The following ANO2 variants were observed in gnomAD, a reference collection of about 807,000 sequenced individuals.
ANO2 encodes the protein anoctamin 2.
A neutral mutation model predicts 124.2 loss-of-function variants in ANO2; 101 were observed. The ratio of observed to expected loss-of-function variants is 0.81; its 90% CI spans 0.69 to 0.96. The LOEUF is 0.96. Ranked by LOEUF, ANO2 falls within the 40% of genes least tolerant of loss-of-function variation. The pLI is 0.00. For missense variants in ANO2, 1,293 were observed against 1,274.5 expected, an observed-to-expected ratio of 1.01 and a Z score of -0.22; for synonymous variants, 486 against 482.5, an observed-to-expected ratio of 1.01 and a Z score of -0.09.
intron 4 of ANO2, among the ~76,000 whole-genome samples, chr12:5,845,885 A>C (rs1052715483): frequency 3.9e-5 from 6 of 152,252 alleles, no homozygotes; most frequent in Non-Finnish European, 7.3e-5. Flanking sequence ...AATCACGTAC[A>C]TAAGGCTCTT....
At chr12:5,832,361 T>A (rs1954178602) in intron 5 of ANO2, 91 bp downstream of exon 5, 2 of 1,472,596 alleles carry the variant, frequency 1.4e-6, no homozygotes, top group Non-Finnish European at 1.8e-6. Context: ...GGGCACCCAC[T>A]TTGGGAGCCC....
In ANO2 at chr12:5,945,185, G is replaced by C. The variant is rs544222548; in HGVS notation, c.22+11C>G. Reference sequence around the variant, plus strand: ...TAGGAGACCAGGACCAGGTCCAGCCGGAAAACTCACCGCGCGGCCCGGGAG... The same window carrying C: ...TAGGAGACCAGGACCAGGTCCAGCCCGAAAACTCACCGCGCGGCCCGGGAG... On this transcript the variant is annotated intron_variant, in intron 1 of 24. Coordinates refer to ENST00000682330, the MANE Select transcript of ANO2 (RefSeq NM_001364791.2). The C allele has an allele frequency of 3.1e-6, 4 of 1,288,616 alleles. No homozygotes were observed. In the African/African-American group the frequency reaches 4.5e-5, roughly 15 times the overall value. The allele number at this position is 1,288,616 out of a possible 1,614,324, so 79.8% of individuals were successfully genotyped here.
At chr12:5,677,603 G>T (rs1565556205) in intron 14 of ANO2, among the ~76,000 whole-genome samples, 1 of 152,098 alleles carries the variant, frequency 6.6e-6, no homozygotes, top group South Asian at 2.1e-4. Flanking sequence ...GAGTGGAGAG[G>T]AGCATGAGAA....
chr12:5,646,610 G>A lies in ANO2; in HGVS notation c.1620+1117C>T, dbSNP rs749052318. Among the ~76,000 whole-genome samples the A allele has an allele frequency of 1.9e-4, 29 of 152,140 alleles. 1 individual carries two copies. The highest frequency in any genetic ancestry group is 8.3e-4 in the South Asian group (4 of 4,814). ...TCTTTAACAATAATATGCATATTGC[G>A]GGGGGCTTTGAAGTGCTAAATTAAA... On this transcript the variant is annotated intron_variant, in intron 15 of 24. Transcript: ENST00000682330.
At chr12:5,565,972 G>A (rs889452609) in intron 23 of ANO2, among the ~76,000 whole-genome samples, 24 of 152,212 alleles carry the variant, frequency 1.6e-4, no homozygotes, top group Non-Finnish European at 3.2e-4. Context: ...GGGCATCTGA[G>A]GGTAGTCCAG....
intron 16 of ANO2, among the ~76,000 whole-genome samples, chr12:5,624,411 C>A (rs1183203179): frequency 6.6e-6 from 1 of 152,112 alleles, no homozygotes; most frequent in Non-Finnish European, 1.5e-5. Context: ...CTCCCTGTGA[C>A]AAGGACAGGA....
chr12:5,656,105 A>C (rs1860954), intron 14 of ANO2, among the ~76,000 whole-genome samples: 93,276 of 151,970 alleles, frequency 0.61, 29,683 homozygotes, highest in East Asian at 0.96. Context: ...GTGAGGGGAG[A>C]GCAGCTATAG....
rs764788737 is a variant in ANO2 at position 5,577,941 on chromosome 12, A to G, written c.2439+14T>C. ...TTCCCACAGAGCGAGTGTGTCATGAATGCAAGTACTTACGTTGCTGATAAC... is the reference window on the plus strand; with the variant it reads ...TTCCCACAGAGCGAGTGTGTCATGAGTGCAAGTACTTACGTTGCTGATAAC... On this transcript the variant is annotated intron_variant, in intron 22 of 24. Coordinates refer to ENST00000682330, the MANE Select transcript of ANO2 (RefSeq NM_001364791.2). 8.1e-6 allele frequency: 13 copies of G among 1,612,384 alleles called. No individual in the cohort carries two copies. The South Asian group carries it at 8.8e-5, about 11-fold the overall frequency.
At chr12:5,618,100 G>A (rs1218441878) in intron 16 of ANO2, among the ~76,000 whole-genome samples, 1 of 152,202 alleles carries the variant, frequency 6.6e-6, no homozygotes, top group South Asian at 2.1e-4. Context: ...AGTCCCACTG[G>A]AGACCTCCTA....
intron 14 of ANO2, among the ~76,000 whole-genome samples, chr12:5,729,967 A>G (rs1226291338): frequency 2.6e-5 from 4 of 152,248 alleles, no homozygotes; most frequent in African/African-American, 9.6e-5. Flanking sequence ...ATAGAGACAG[A>G]AAGTAGATTA....
At chr12:5,749,691 A>AT (rs1463445532) in intron 11 of ANO2, among the ~76,000 whole-genome samples, 5 of 152,230 alleles carry the variant, frequency 3.3e-5, no homozygotes, top group African/African-American at 1.2e-4. Context: ...TAAATTCTAA[A>AT]TATTAGCTAA....
intron 16 of ANO2, among the ~76,000 whole-genome samples, chr12:5,620,611 G>C (rs773865465): frequency 6.6e-6 from 1 of 152,102 alleles, no homozygotes; most frequent in Admixed American, 6.5e-5. Flanking sequence ...AGTTGAATTG[G>C]AATTCTATAG....
chr12:5,705,911 C>T (rs143145698), intron 14 of ANO2, among the ~76,000 whole-genome samples: 147 of 152,284 alleles, frequency 9.7e-4, no homozygotes, highest in African/African-American at 2.8e-3. Flanking sequence ...AAGCCAAATG[C>T]TGCCAGGTCG....
intron 4 of ANO2, among the ~76,000 whole-genome samples, chr12:5,834,149 C>T (rs1227977792): frequency 6.6e-6 from 1 of 152,152 alleles, no homozygotes; most frequent in East Asian, 1.9e-4. Flanking sequence ...AATAATCACC[C>T]AGCCCAGCTC....
chr12:5,763,127 A>G (rs1285697413), intron 10 of ANO2, among the ~76,000 whole-genome samples: 1 of 152,046 alleles, frequency 6.6e-6, no homozygotes, highest in African/African-American at 2.4e-5. Flanking sequence ...AAAATTAAAT[A>G]TTTTTGACCT....
At chr12:5,896,533 T>C (rs1208794746) in intron 3 of ANO2, among the ~76,000 whole-genome samples, 1 of 152,140 alleles carries the variant, frequency 6.6e-6, no homozygotes, top group Non-Finnish European at 1.5e-5. Flanking sequence ...CCCCACCTTC[T>C]AGATGGTCAG....
At chr12:5,785,656 T>A (rs940827132) in intron 10 of ANO2, among the ~76,000 whole-genome samples, 6 of 149,606 alleles carry the variant, frequency 4.0e-5, no homozygotes, top group Non-Finnish European at 8.9e-5. Flanking sequence ...AGTCCTCTTG[T>A]ACACACACAC....
intron 14 of ANO2, among the ~76,000 whole-genome samples, chr12:5,692,181 T>C (rs1035619045): frequency 2.4e-4 from 36 of 152,124 alleles, no homozygotes; most frequent in Non-Finnish European, 5.0e-4. Flanking sequence ...TGGACTAGGT[T>C]CGCAGTATGA....
intron 20 of ANO2, among the ~76,000 whole-genome samples, chr12:5,583,515 C>A (rs573062091): frequency 6.6e-6 from 1 of 150,808 alleles, no homozygotes; most frequent in Non-Finnish European, 1.5e-5. Flanking sequence ...TAGCCGGGCG[C>A]AGTGGCGGGC....
Sources: allele counts gnomAD v4.1 joint callset (sites outside exome capture counted in the v4.1 genomes callset), GRCh38; gene constraint gnomAD v4.1.1; transcripts MANE v1.5; gene names NCBI Gene and HGNC (gene_info 2026-07-23, HGNC 2026-07-21).